AOX1: variants seen among roughly 807,000 people sequenced by gnomAD.
The protein encoded by AOX1 is aldehyde oxidase 1.
AOX1 carries 153 observed loss-of-function variants against 169.5 expected under a neutral mutation model. The observed-to-expected ratio is 0.90, with a 90% CI of 0.79 to 1.03. The LOEUF (loss-of-function observed/expected upper bound fraction) is 1.03. Among genes scored for constraint, AOX1 ranks in the 50% least tolerant of loss-of-function variants. AOX1 has a pLI of 0.00. For missense variants in AOX1, 1,656 were observed against 1,663.9 expected (o/e 1.00, Z 0.08); for synonymous variants, 562 against 581.9 (o/e 0.97, Z 0.49).
intron 17 of AOX1, 109 bp from the exon 18 acceptor site, chr2:200,621,010 TG>T: frequency 7.1e-7 from 1 of 1,403,202 alleles, no homozygotes; most frequent in Non-Finnish European, 9.6e-7. Context: ...CCCAATTGTC[TG>T]GCAGAGACTG....
chr2:200,599,780 T>TTTTA lies in AOX1; in HGVS notation c.436+50_436+53dup, dbSNP rs746263035. The TTTTA allele has an allele frequency of 1.9e-5, 27 of 1,387,644 alleles. 1 individual carries two copies. The South Asian group carries it at 2.3e-4, about 12-fold the overall frequency. The allele number at this position is 1,387,644 out of a possible 1,614,324, so 86.0% of individuals were successfully genotyped here. The stretch of plus-strand genomic sequence containing the variant: ...TATATGCATGCTTTTATTTTTTAAT[T>TTTTA]TTTATTTATTTATTTATTTTTTGAG... On this transcript the variant is annotated intron_variant, in intron 5 of 34. Transcript: ENST00000374700.
At chr2:200,645,407 C>G (rs946791981) in intron 25 of AOX1, among the ~76,000 whole-genome samples, 25 of 152,132 alleles carry the variant, frequency 1.6e-4, no homozygotes, top group Non-Finnish European at 3.2e-4. Flanking sequence ...CCCTGTATCC[C>G]TGGTATGAAT....
chr2:200,587,120 A>C (rs373076362), intron 1 of AOX1, among the ~76,000 whole-genome samples: 94 of 151,394 alleles, frequency 6.2e-4, no homozygotes, highest in African/African-American at 1.4e-3. Context: ...AAAACCAAAC[A>C]AAACAAAACA....
rs1387494345 is a variant in AOX1 at position 200,609,344 on chromosome 2, C to T, written c.1083C>T (p.Ser361=). 1 of 1,614,004 alleles carries T rather than the reference C, an allele frequency of 6.2e-7. No individual in the cohort carries two copies. Among genetic ancestry groups the T allele is most frequent in the East Asian group, 2.2e-5 (1 of 44,884 alleles). ...NMASLGGHII[S]RHPDSDLNPI... ...AGTCTTTAGGGGGACACATCATTAG[C>T]AGGCATCCAGATTCAGATCTGAATC... The change falls in exon 12 of 35, where the codon AGC becomes AGT. Residue 361 remains serine (S), a synonymous_variant. Coordinates refer to ENST00000374700, the MANE Select transcript of AOX1 (RefSeq NM_001159.4).
Position 200,669,560 on chromosome 2 carries a change from A to T in AOX1, c.3799-15A>T. 2 of 1,613,732 alleles carry T rather than the reference A, an allele frequency of 1.2e-6. No homozygotes were observed. The highest frequency in any genetic ancestry group is 1.3e-5 in the African/African-American group (1 of 75,002). On this transcript the variant is annotated splice_polypyrimidine_tract_variant and intron_variant, in intron 33 of 34. Transcript: ENST00000374700. Reference sequence around the variant, plus strand: ...GAGAGAGAGGTATAATCTAGTTGGCATGCTTCCTTTCAAGGGTCTGGGAGA... The same window carrying T: ...GAGAGAGAGGTATAATCTAGTTGGCTTGCTTCCTTTCAAGGGTCTGGGAGA...
intron 1 of AOX1, among the ~76,000 whole-genome samples, chr2:200,589,535 T>A (rs2034125951): frequency 6.6e-6 from 1 of 152,200 alleles, no homozygotes; most frequent in Admixed American, 6.5e-5. Context: ...GCTTCTGTTT[T>A]CTCTTTTGCA....
intron 16 of AOX1, among the ~76,000 whole-genome samples, chr2:200,619,318 G>T (rs1178157063): frequency 6.6e-6 from 1 of 152,152 alleles, no homozygotes; most frequent in Non-Finnish European, 1.5e-5. Context: ...GGAAGGGGAG[G>T]TGTCCATAGC....
At chr2:200,613,771 TCAGG>T (rs1413901886) in intron 14 of AOX1, 29 bp from the exon 15 acceptor site, 1 of 1,586,550 alleles carries the variant, frequency 6.3e-7, no homozygotes, top group East Asian at 2.2e-5. Flanking sequence ...ATAAACCCTG[TCAGG>T]CTAGGAGTCT....
At chr2:200,661,558 T>G (rs760248255) in intron 29 of AOX1, 21 bp from the exon 30 acceptor site, 5 of 1,606,776 alleles carry the variant, frequency 3.1e-6, no homozygotes, top group East Asian at 2.2e-5. Flanking sequence ...TGTTGCATCA[T>G]GCTATGCTCT....
intron 2 of AOX1, among the ~76,000 whole-genome samples, chr2:200,594,296 G>A (rs528123782): frequency 1.9e-4 from 29 of 152,300 alleles, no homozygotes; most frequent in African/African-American, 7.0e-4. Context: ...AGCAGTCCAT[G>A]GGAAGCATGG....
At chr2:200,590,991 G>T (rs1020229631) in intron 1 of AOX1, among the ~76,000 whole-genome samples, 1 of 152,166 alleles carries the variant, frequency 6.6e-6, no homozygotes, top group Non-Finnish European at 1.5e-5. Context: ...TGCATGCCAG[G>T]ATAGACAACC....
At position 200,668,700 on chromosome 2, in the gene AOX1, G is replaced by T. The variant is rs1242870736; in HGVS notation, c.3695G>T (p.Gly1232Val). The T allele has an allele frequency of 1.2e-6, 2 of 1,614,034 alleles. No individual in the cohort carries two copies. Among genetic ancestry groups the T allele is most frequent in the Non-Finnish European group, 1.7e-6 (2 of 1,180,040 alleles). Residue 1232 changes from glycine (G) to valine (V), a missense_variant, in exon 33 of 35, where the codon GGT (glycine) becomes GTT (valine). Gly to Val is a moderately radical substitution (Grantham distance 109). Coordinates refer to ENST00000374700, the MANE Select transcript of AOX1 (RefSeq NM_001159.4). ...YSPQGILHTR[G>V]PDQYKIPAIC... ...CCCCAGGGCATTCTGCACACTCGTGGTCCAGACCAATATAAAATCCCTGCC... is the reference window on the plus strand; with the variant it reads ...CCCCAGGGCATTCTGCACACTCGTGTTCCAGACCAATATAAAATCCCTGCC...
chr2:200,649,544 G>A (rs2035536783), intron 25 of AOX1, among the ~76,000 whole-genome samples: 3 of 152,174 alleles, frequency 2.0e-5, no homozygotes, highest in South Asian at 4.1e-4. Context: ...AGTCGATCTA[G>A]AGCTAAAATT....
intron 17 of AOX1, 136 bp downstream of exon 17, chr2:200,620,955 C>T (rs1025913635): frequency 3.1e-6 from 4 of 1,299,876 alleles, no homozygotes; most frequent in Non-Finnish European, 4.2e-6. Flanking sequence ...GAAACAGGAT[C>T]GAAATGTAGG....
intron 5 of AOX1, among the ~76,000 whole-genome samples, chr2:200,601,709 A>G (rs1200928346): frequency 6.6e-6 from 1 of 152,124 alleles, no homozygotes; most frequent in African/African-American, 2.4e-5. Context: ...AGGTGGGTGG[A>G]TCACCTGAGG....
rs373271043 is a variant in AOX1, at chr2:200,659,786, T to TCTCA, written c.3301-208_3301-207insTCAC. On this transcript the variant is annotated intron_variant, in intron 28 of 34. Coordinates refer to ENST00000374700, the MANE Select transcript of AOX1 (RefSeq NM_001159.4). ...TGGCTTACAAGGCCAGTTCTCTCTC[T>TCTCA]CACACACACACACACACACACACAC... Among the ~76,000 whole-genome samples the TCTCA allele has an allele frequency of 3.8e-3, 364 of 96,196 alleles. 2 individuals are homozygous for TCTCA. Among genetic ancestry groups the TCTCA allele is most frequent in the Middle Eastern group, 0.016 (3 of 186 alleles). The allele number at this position is 96,196 out of a possible 152,430, so 63.1% of individuals were successfully genotyped here. A position where few individuals can be genotyped will look rare whatever the true frequency, so the allele number is the denominator to read the frequency against.
rs1225484357 is a variant in AOX1, at chr2:200,620,836, T to C, written c.1874+17T>C. Reference sequence around the variant, plus strand: ...TAAGATTGTGTAAGTGGTAAAATTCTTACTCAATGGGCATAAATGATTGTC... The same window carrying C: ...TAAGATTGTGTAAGTGGTAAAATTCCTACTCAATGGGCATAAATGATTGTC... On this transcript the variant is annotated intron_variant, in intron 17 of 34. Coordinates refer to ENST00000374700, the MANE Select transcript of AOX1 (RefSeq NM_001159.4). 2.5e-6 allele frequency: 4 copies of C among 1,589,076 alleles called. No homozygotes were observed. The highest frequency in any genetic ancestry group is 3.4e-6 in the Non-Finnish European group (4 of 1,173,456).
intron 4 of AOX1, among the ~76,000 whole-genome samples, chr2:200,598,954 A>G (rs1442122996): frequency 1.3e-5 from 2 of 152,276 alleles, no homozygotes; most frequent in East Asian, 3.9e-4. Flanking sequence ...ATCATTAACT[A>G]GAGGGAGAGA....
At chr2:200,586,222 C>G in intron 1 of AOX1, 69 bp downstream of exon 1, 3 of 1,453,138 alleles carry the variant, frequency 2.1e-6, no homozygotes, top group South Asian at 1.3e-5. Context: ...GAGCCCCTGC[C>G]GTTCGTCCCA....
Sources: allele counts gnomAD v4.1 joint callset (sites outside exome capture counted in the v4.1 genomes callset), GRCh38; gene constraint gnomAD v4.1.1; transcripts MANE v1.5; gene names NCBI Gene and HGNC (gene_info 2026-07-23, HGNC 2026-07-21).